The following C1GALT1 variants were observed in gnomAD, a reference collection of about 807,000 sequenced individuals.
C1GALT1 encodes core 1 synthase, glycoprotein-N-acetylgalactosamine 3-beta-galactosyltransferase 1, also known as glycoprotein-N-acetylgalactosamine 3-beta-galactosyltransferase 1.
C1GALT1 carries 11 observed loss-of-function variants against 31.0 expected under a neutral mutation model. That is an observed-to-expected ratio of 0.36 (90% CI 0.22 to 0.59). The LOEUF is 0.59. Among genes scored for constraint, C1GALT1 ranks in the 20% least tolerant of loss-of-function variants. The pLI is 0.79. For missense variants in C1GALT1, 424 were observed against 425.2 expected (o/e 1.00, Z 0.03); for synonymous variants, 175 against 143.6 (o/e 1.22, Z -1.56).
At chr7:7,204,104 T>TG (rs1475336240) in intron 1 of C1GALT1, among the ~76,000 whole-genome samples, 2 of 146,962 alleles carry the variant, frequency 1.4e-5, no homozygotes, top group East Asian at 4.1e-4. Flanking sequence ...TCTGTTTTTT[T>TG]TTTTTTGTTT....
chr7:7,203,901 T>C (rs1781620393), intron 1 of C1GALT1, among the ~76,000 whole-genome samples: 1 of 152,102 alleles, frequency 6.6e-6, no homozygotes, highest in South Asian at 2.1e-4. Flanking sequence ...TAGAATACAA[T>C]AACTTATTTC....
chr7:7,234,175 C>T, intron 1 of C1GALT1, 128 bp from the exon 2 acceptor site: 1 of 687,814 alleles, frequency 1.5e-6, no homozygotes, highest in South Asian at 1.9e-5. Flanking sequence ...GAGGGGTAAA[C>T]TCATAGATAA....
chr7:7,179,073 C>G (rs1032328339), upstream of C1GALT1, among the ~76,000 whole-genome samples: 1 of 152,220 alleles, frequency 6.6e-6, no homozygotes, highest in African/African-American at 2.4e-5. Flanking sequence ...GCCTCAATAC[C>G]TCACCGGTTG....
chr7:7,161,126 C>G (rs1377671645), intron 2 of C1GALT1, among the ~76,000 whole-genome samples: 1 of 152,056 alleles, frequency 6.6e-6, no homozygotes, highest in African/African-American at 2.4e-5. Flanking sequence ...CTAAGACAAA[C>G]TGAATAGTTT....
At chr7:7,196,527 T>A (rs1018431656) in intron 1 of C1GALT1, among the ~76,000 whole-genome samples, 2 of 152,220 alleles carry the variant, frequency 1.3e-5, no homozygotes, top group African/African-American at 4.8e-5. Context: ...TAAACATACA[T>A]GTGCATGTGT....
chr7:7,233,348 C>T (rs1447008850), intron 1 of C1GALT1, among the ~76,000 whole-genome samples: 1 of 152,120 alleles, frequency 6.6e-6, no homozygotes, highest in Non-Finnish European at 1.5e-5. Flanking sequence ...ACTGCAACCT[C>T]CGCCTTCTGA....
chr7:7,192,291 C>G (rs769684913), intron 1 of C1GALT1, among the ~76,000 whole-genome samples: 3 of 152,050 alleles, frequency 2.0e-5, no homozygotes, highest in South Asian at 4.2e-4. Flanking sequence ...ATCCCTCACC[C>G]CCTCCCACCC....
chr7:7,216,363 T>C (rs1342404611), intron 1 of C1GALT1, among the ~76,000 whole-genome samples: 6 of 152,102 alleles, frequency 3.9e-5, no homozygotes, highest in African/African-American at 1.4e-4. Flanking sequence ...GTAGGCATGG[T>C]CCTCCAAGCT....
At chr7:7,226,245 A>G (rs1353758505) in intron 1 of C1GALT1, among the ~76,000 whole-genome samples, 1 of 152,206 alleles carries the variant, frequency 6.6e-6, no homozygotes, top group East Asian at 1.9e-4. Flanking sequence ...TTATTTTAAT[A>G]TGGTTAGAAG....
At chr7:7,226,329 T>G (rs1259966188) in intron 1 of C1GALT1, among the ~76,000 whole-genome samples, 1 of 152,088 alleles carries the variant, frequency 6.6e-6, no homozygotes, top group African/African-American at 2.4e-5. Flanking sequence ...AGTACCTGAT[T>G]GTCACCTTGG....
intron 1 of C1GALT1, among the ~76,000 whole-genome samples, chr7:7,230,272 G>A (rs1783007236): frequency 6.6e-6 from 1 of 152,098 alleles, no homozygotes; most frequent in Non-Finnish European, 1.5e-5. Flanking sequence ...TGAAATAAAT[G>A]TTAATACAGA....
In C1GALT1 at chr7:7,244,798, T is replaced by G. The variant is rs566666476; in HGVS notation, c.*1071T>G. 3 of 152,272 alleles carry G rather than the reference T, an allele frequency of 2.0e-5. No homozygotes were observed. In the South Asian group the frequency reaches 6.2e-4, roughly 32 times the overall value. The allele number at this position is 152,272 out of a possible 1,614,324, so 9.4% of individuals were successfully genotyped here. A position where few individuals can be genotyped will look rare whatever the true frequency, so the allele number is the denominator to read the frequency against. On this transcript the variant is annotated 3_prime_UTR_variant, in exon 4 of 4. Transcript: ENST00000436587. The stretch of plus-strand genomic sequence containing the variant: ...CTATTAGTTACAGTGGCAAGATTAT[T>G]TAGAAAGCAAGATTTTGATGAGAAT...
chr7:7,198,280 A>G (rs971283199), intron 1 of C1GALT1, among the ~76,000 whole-genome samples: 3 of 152,192 alleles, frequency 2.0e-5, no homozygotes, highest in East Asian at 1.9e-4. Context: ...TTCTGCATCT[A>G]TTGAGATAAT....
chr7:7,186,142 ACT>A (rs1491234619), intron 1 of C1GALT1, among the ~76,000 whole-genome samples: 2 of 123,310 alleles, frequency 1.6e-5, no homozygotes, highest in Non-Finnish European at 3.3e-5. Flanking sequence ...CTAGCCCAGA[ACT>A]CTTTCTTTCT....
chr7:7,209,481 C>G (rs1302212016), intron 1 of C1GALT1: 1 of 152,136 alleles, frequency 6.6e-6, no homozygotes, highest in Non-Finnish European at 1.5e-5. Context: ...GCACCCTTGT[C>G]TTAAATGGAT....
At chr7:7,210,115 GA>G (rs1394644696) in intron 1 of C1GALT1, among the ~76,000 whole-genome samples, 2 of 152,210 alleles carry the variant, frequency 1.3e-5, no homozygotes, top group Non-Finnish European at 1.5e-5. Flanking sequence ...GGTCACAGGG[GA>G]TATGATGGCT....
At chr7:7,220,292 C>T (rs533446482) in intron 1 of C1GALT1, among the ~76,000 whole-genome samples, 2 of 152,254 alleles carry the variant, frequency 1.3e-5, no homozygotes, top group African/African-American at 2.4e-5. Context: ...TGAATAATTA[C>T]TCAGTGTTAG....
chr7:7,205,314 C>T (rs1322987464), intron 1 of C1GALT1, among the ~76,000 whole-genome samples: 5 of 152,124 alleles, frequency 3.3e-5, no homozygotes, highest in Non-Finnish European at 7.4e-5. Context: ...TAGACTGCCG[C>T]TGGAAGTCTT....
chr7:7,170,218 C>G (rs894807808), intron 2 of C1GALT1, among the ~76,000 whole-genome samples: 150 of 152,156 alleles, frequency 9.9e-4, no homozygotes, highest in African/African-American at 3.6e-3. Flanking sequence ...AATTTGATTA[C>G]TTTTTTTACA....
Sources: gnomAD v4.1 joint callset for allele counts (sites outside exome capture counted in the v4.1 genomes callset) on GRCh38, gnomAD v4.1.1 for gene constraint, MANE v1.5 for transcripts, NCBI Gene and HGNC (gene_info 2026-07-23, HGNC 2026-07-21) for gene names.